The following TAFA1 variants were observed in gnomAD, a reference collection of about 807,000 sequenced individuals.
TAFA1 encodes the protein chemokine-like protein TAFA-1.
TAFA1 carries 4 observed loss-of-function variants against 18.5 expected under a neutral mutation model. That is an observed-to-expected ratio of 0.22 (90% CI 0.11 to 0.49). The LOEUF is 0.49. Ranked by LOEUF, TAFA1 falls within the 20% of genes least tolerant of loss-of-function variation. TAFA1 has a pLI of 0.98. For missense variants in TAFA1, 147 were observed against 169.0 expected (o/e 0.87, Z 0.72); for synonymous variants, 56 against 55.2 (o/e 1.01, Z -0.06).
At chr3:68,299,602 T>A (rs777834935) in intron 2 of TAFA1, among the ~76,000 whole-genome samples, 6 of 152,172 alleles carry the variant, frequency 3.9e-5, no homozygotes, top group Admixed American at 6.5e-5. Context: ...AGGAGCCAAA[T>A]GTTAATCATC....
intron 3 of TAFA1, among the ~76,000 whole-genome samples, chr3:68,514,062 C>G (rs2072886393): frequency 1.3e-5 from 2 of 152,214 alleles, no homozygotes; most frequent in South Asian, 4.1e-4. Context: ...CTTTACATGG[C>G]AAAAGGGGTG....
chr3:68,533,184 A>G (rs1231942715), intron 3 of TAFA1, among the ~76,000 whole-genome samples: 1 of 152,080 alleles, frequency 6.6e-6, no homozygotes. Context: ...AGACATACAT[A>G]GGACTGGGTA....
intron 3 of TAFA1, among the ~76,000 whole-genome samples, chr3:68,533,573 T>C (rs374613608): frequency 5.9e-5 from 9 of 152,220 alleles, no homozygotes; most frequent in African/African-American, 1.9e-4. Flanking sequence ...CAGTAAAGTA[T>C]GGATTCGCCT....
intron 3 of TAFA1, among the ~76,000 whole-genome samples, chr3:68,440,034 G>A (rs779958880): frequency 7.0e-6 from 1 of 142,330 alleles, no homozygotes. Context: ...ATATGGTTTA[G>A]CTGTGTCCCC....
At chr3:68,336,948 T>C (rs1273415826) in intron 2 of TAFA1, among the ~76,000 whole-genome samples, 1 of 151,844 alleles carries the variant, frequency 6.6e-6, no homozygotes, top group African/African-American at 2.4e-5. Flanking sequence ...GGTCTCAAAC[T>C]CCTGACCTCG....
At chr3:68,335,385 T>C (rs2068953560) in intron 2 of TAFA1, among the ~76,000 whole-genome samples, 1 of 152,190 alleles carries the variant, frequency 6.6e-6, no homozygotes, top group Admixed American at 6.5e-5. Flanking sequence ...CCACTGCCCA[T>C]TTTTCCCTCT....
chr3:68,261,149 A>C (rs2067412895), intron 2 of TAFA1, among the ~76,000 whole-genome samples: 1 of 152,168 alleles, frequency 6.6e-6, no homozygotes. Flanking sequence ...ATGCATCCAA[A>C]AGACACATGA....
chr3:68,403,538 T>A (rs1322353071), intron 2 of TAFA1, among the ~76,000 whole-genome samples: 1 of 152,232 alleles, frequency 6.6e-6, no homozygotes, highest in Non-Finnish European at 1.5e-5. Context: ...CTAAAAATGA[T>A]CTTCACCTTT....
At chr3:68,393,405 G>A (rs894250968) in intron 2 of TAFA1, among the ~76,000 whole-genome samples, 5 of 149,040 alleles carry the variant, frequency 3.4e-5, no homozygotes, top group Admixed American at 6.7e-5. Context: ...AGGATTAGAT[G>A]GATTCATAGC....
At chr3:68,113,670 A>T (rs1200751018) in intron 2 of TAFA1, among the ~76,000 whole-genome samples, 1 of 152,146 alleles carries the variant, frequency 6.6e-6, no homozygotes, top group Non-Finnish European at 1.5e-5. Flanking sequence ...TTGTATAAAG[A>T]CCCTATGCAA....
At chr3:68,193,243 G>C (rs1043086119) in intron 2 of TAFA1, among the ~76,000 whole-genome samples, 4 of 151,658 alleles carry the variant, frequency 2.6e-5, no homozygotes, top group Admixed American at 1.3e-4. Flanking sequence ...GAATCTAGTA[G>C]GAGAGAGATT....
At chr3:68,059,709 G>T (rs1334641697) in intron 2 of TAFA1, among the ~76,000 whole-genome samples, 1 of 152,182 alleles carries the variant, frequency 6.6e-6, no homozygotes, top group East Asian at 1.9e-4. Context: ...TCTTTATCTA[G>T]TCCACAGTTT....
At chr3:68,081,265 C>T (rs938991168) in intron 2 of TAFA1, among the ~76,000 whole-genome samples, 1 of 152,054 alleles carries the variant, frequency 6.6e-6, no homozygotes, top group African/African-American at 2.4e-5. Flanking sequence ...TGAATGTCCT[C>T]CCATAGCTCA....
chr3:68,021,262 T>A (rs1461342894), intron 2 of TAFA1, among the ~76,000 whole-genome samples: 4 of 150,366 alleles, frequency 2.7e-5, no homozygotes, highest in Non-Finnish European at 5.9e-5. Context: ...TAGGGAAGTT[T>A]GATTAATTAA....
intron 2 of TAFA1, among the ~76,000 whole-genome samples, chr3:68,203,154 A>G (rs1026976076): frequency 6.6e-6 from 1 of 151,542 alleles, no homozygotes; most frequent in Non-Finnish European, 1.5e-5. Context: ...TTCTGAAGGG[A>G]AGTTGGTATA....
chr3:68,505,432 A>G (rs899221775), intron 3 of TAFA1, among the ~76,000 whole-genome samples: 2 of 152,160 alleles, frequency 1.3e-5, no homozygotes, highest in Non-Finnish European at 1.5e-5. Flanking sequence ...CTATTTCTGC[A>G]AACCACATTA....
intron 2 of TAFA1, among the ~76,000 whole-genome samples, chr3:68,039,840 T>G (rs1448934237): frequency 6.6e-6 from 1 of 152,142 alleles, no homozygotes; most frequent in African/African-American, 2.4e-5. Flanking sequence ...TGGGGGACTG[T>G]GAAGGACATA....
At chr3:68,125,204 C>T (rs1342505738) in intron 2 of TAFA1, among the ~76,000 whole-genome samples, 1 of 152,182 alleles carries the variant, frequency 6.6e-6, no homozygotes, top group Non-Finnish European at 1.5e-5. Context: ...TTCAGCACAG[C>T]ACTTCTCTGT....
rs550286887 is a variant in TAFA1, at chr3:68,147,484, C to T, written c.118+140740C>T. Among the ~76,000 whole-genome samples the T allele has an allele frequency of 2.1e-4, 32 of 152,150 alleles. 1 individual carries two copies. The highest frequency in any genetic ancestry group is 5.5e-4 in the African/African-American group (23 of 41,514). ...GGCCTCATGCAACGTGCCATGCCTT[C>T]GATCTCTAGGGCCACTTAATATGTT... On this transcript the variant is annotated intron_variant, in intron 2 of 4. Transcript: ENST00000478136.
Sources: gnomAD v4.1 joint callset for allele counts (sites outside exome capture counted in the v4.1 genomes callset) on GRCh38, gnomAD v4.1.1 for gene constraint, MANE v1.5 for transcripts, NCBI Gene and HGNC (gene_info 2026-07-23, HGNC 2026-07-21) for gene names.